The following MYO16 variants were observed in gnomAD, a reference collection of about 807,000 sequenced individuals.
The protein encoded by MYO16 is unconventional myosin-XVI.
A neutral mutation model predicts 205.3 loss-of-function variants in MYO16; 94 were observed. That is an observed-to-expected ratio of 0.46 (90% CI 0.39 to 0.54). The LOEUF (loss-of-function observed/expected upper bound fraction) is 0.54. MYO16 is among the 20% of genes least tolerant of loss of function. The pLI is 0.00. For synonymous variants in MYO16, 988 were observed against 954.0 expected, an observed-to-expected ratio of 1.04 and a Z score of -0.66; for missense variants, 2,315 against 2,387.5, an observed-to-expected ratio of 0.97 and a Z score of 0.63.
intron 21 of MYO16, among the ~76,000 whole-genome samples, chr13:109,004,884 C>A (rs754813951): frequency 2.0e-5 from 3 of 152,154 alleles, no homozygotes; most frequent in East Asian, 1.9e-4. Flanking sequence ...TTAACAACAA[C>A]GCCTTTAAAA....
chr13:109,172,204 A>T lies in MYO16; in HGVS notation c.5323+7145A>T, dbSNP rs181719588. On this transcript the variant is annotated intron_variant, in intron 33 of 34. Transcript: ENST00000457511. ...TTACAACATCACTTTCTTTATGGAG[A>T]TTGTACACCTTCTTTGGAACGCATA... Among the ~76,000 whole-genome samples, 8 of 152,288 alleles carry T rather than the reference A, an allele frequency of 5.3e-5. No individual in the cohort carries two copies. In the South Asian group the frequency reaches 1.2e-3, roughly 24 times the overall value.
At chr13:108,697,437 G>A (rs1245388015) in intron 2 of MYO16, among the ~76,000 whole-genome samples, 1 of 152,162 alleles carries the variant, frequency 6.6e-6, no homozygotes, top group East Asian at 1.9e-4. Context: ...AGCACGGGAG[G>A]ACATTTCTTT....
chr13:108,855,664 G>A (rs1878131639), intron 11 of MYO16, 111 bp downstream of exon 11: 6 of 666,460 alleles, frequency 9.0e-6, no homozygotes, highest in Non-Finnish European at 4.9e-6. Context: ...GCTTCTGGTA[G>A]TGGTGATAGC....
chr13:108,797,114 G>A lies in MYO16; in HGVS notation c.741+3474G>A, dbSNP rs1886818921. On this transcript the variant is annotated intron_variant, in intron 6 of 34. Coordinates refer to ENST00000457511, the MANE Select transcript of MYO16 (RefSeq NM_001198950.3). ...TGTTGTGTGATTAGAATGACTCCAAGCATTTTTAGCTTAAACTACCAGTGT... is the reference window on the plus strand; with the variant it reads ...TGTTGTGTGATTAGAATGACTCCAAACATTTTTAGCTTAAACTACCAGTGT... Among the ~76,000 whole-genome samples, 3 of 152,066 alleles carry A rather than the reference G, an allele frequency of 2.0e-5. No individual in the cohort carries two copies. The South Asian group carries it at 6.2e-4, about 32-fold the overall frequency.
chr13:108,816,471 C>T (rs1875612950), intron 7 of MYO16, among the ~76,000 whole-genome samples: 1 of 151,754 alleles, frequency 6.6e-6, no homozygotes, highest in Non-Finnish European at 1.5e-5. Context: ...TCTGTAAGGT[C>T]TGTGCAGCAT....
intron 1 of MYO16, among the ~76,000 whole-genome samples, chr13:108,597,353 A>T (rs1248133001): frequency 6.6e-6 from 1 of 152,198 alleles, no homozygotes; most frequent in Non-Finnish European, 1.5e-5. Flanking sequence ...AAAACATTTA[A>T]CTATTTATGT....
chr13:108,566,170 T>C, the MYO16 span, among the ~76,000 whole-genome samples: 4 of 152,296 alleles, frequency 2.6e-5, no homozygotes, highest in African/African-American at 9.6e-5. Flanking sequence ...TTTTCTTTAC[T>C]TGGAGAGTTT....
rs760161655 is a variant in MYO16, at chr13:108,806,705, C to T, written c.768C>T (p.Tyr256=). 1.5e-5 allele frequency: 24 copies of T among 1,613,016 alleles called. No individual in the cohort carries two copies. The highest frequency in any genetic ancestry group is 2.0e-5 in the Non-Finnish European group (23 of 1,179,332). Residue 256 remains tyrosine (Y), a synonymous_variant, in exon 7 of 35, where the codon TAC becomes TAT. Coordinates refer to ENST00000457511, the MANE Select transcript of MYO16 (RefSeq NM_001198950.3). ...TLLHMACASG[Y]KEVVSLILEH... ...TACACATGGCGTGTGCGAGTGGCTACAAGGAGGTGGTGTCTCTTATCCTGG... is the reference window on the plus strand; with the variant it reads ...TACACATGGCGTGTGCGAGTGGCTATAAGGAGGTGGTGTCTCTTATCCTGG...
chr13:108,498,958 G>C, the MYO16 span, among the ~76,000 whole-genome samples: 1 of 152,136 alleles, frequency 6.6e-6, no homozygotes, highest in East Asian at 1.9e-4. Context: ...CAAAATTAGG[G>C]GTTCCTCTGG....
intron 1 of MYO16, among the ~76,000 whole-genome samples, chr13:108,639,178 GA>G (rs1880390658): frequency 6.6e-6 from 1 of 152,112 alleles, no homozygotes; most frequent in African/African-American, 2.4e-5. Flanking sequence ...TGGATTAAAG[GA>G]GAGACTGAAA....
chr13:108,713,173 A>T (rs551278555), intron 3 of MYO16, among the ~76,000 whole-genome samples: 8 of 152,240 alleles, frequency 5.3e-5, no homozygotes, highest in African/African-American at 1.7e-4. Context: ...AACTACATTT[A>T]AAAATATTAT....
At chr13:108,790,345 C>T (rs969947642) in intron 5 of MYO16, among the ~76,000 whole-genome samples, 3 of 152,144 alleles carry the variant, frequency 2.0e-5, no homozygotes, top group African/African-American at 7.2e-5. Flanking sequence ...CTGATATTAT[C>T]AGATTAAACC....
At chr13:108,942,312 C>G (rs898327189) in intron 16 of MYO16, among the ~76,000 whole-genome samples, 2 of 152,090 alleles carry the variant, frequency 1.3e-5, no homozygotes, top group African/African-American at 4.8e-5. Flanking sequence ...ATGGACTTCC[C>G]TTAGACAAGG....
At chr13:109,149,141 C>A (rs1877508208) in intron 32 of MYO16, among the ~76,000 whole-genome samples, 2 of 152,190 alleles carry the variant, frequency 1.3e-5, no homozygotes, top group South Asian at 2.1e-4. Flanking sequence ...CTCTTAGGAT[C>A]TTTCCTACAA....
chr13:108,951,369 A>G (rs1484117792), intron 16 of MYO16, among the ~76,000 whole-genome samples: 6 of 152,190 alleles, frequency 3.9e-5, no homozygotes. Context: ...TGAATTATGC[A>G]TCAACCTAGA....
chr13:108,577,040 C>T, the MYO16 span, among the ~76,000 whole-genome samples: 6 of 152,194 alleles, frequency 3.9e-5, no homozygotes, highest in Non-Finnish European at 8.8e-5. Flanking sequence ...GGATTACAGG[C>T]GACAGCCACT....
intron 23 of MYO16, among the ~76,000 whole-genome samples, chr13:109,023,248 ATATT>A (rs1330274869): frequency 3.7e-5 from 4 of 107,254 alleles, no homozygotes; most frequent in African/African-American, 1.5e-4. Context: ...ATAAATATAT[ATATT>A]TATATATTAT....
intron 4 of MYO16, among the ~76,000 whole-genome samples, chr13:108,760,121 A>G (rs964936790): frequency 1.3e-5 from 2 of 152,242 alleles, no homozygotes; most frequent in South Asian, 2.1e-4. Flanking sequence ...ATTGCTAACT[A>G]TAATTTCCCT....
the MYO16 span, among the ~76,000 whole-genome samples, chr13:108,510,169 T>G: frequency 6.6e-6 from 1 of 152,134 alleles, no homozygotes; most frequent in Admixed American, 6.5e-5. Context: ...CAGGCTGGAG[T>G]GCAATGGCGC....
Sources: allele counts gnomAD v4.1 joint callset (sites outside exome capture counted in the v4.1 genomes callset), GRCh38; gene constraint gnomAD v4.1.1; transcripts MANE v1.5; gene names NCBI Gene and HGNC (gene_info 2026-07-23, HGNC 2026-07-21).